The following MKLN1 variants were observed in gnomAD, a reference collection of about 807,000 sequenced individuals.
The protein encoded by MKLN1 is muskelin 1.
A neutral mutation model predicts 99.0 loss-of-function variants in MKLN1; 18 were observed. That is an observed-to-expected ratio of 0.18 (90% CI 0.13 to 0.27). The LOEUF (loss-of-function observed/expected upper bound fraction) is 0.27, where lower values mean the gene tolerates loss of function less well. MKLN1 is among the 10% of genes least tolerant of loss of function. The pLI, the probability that MKLN1 is intolerant of heterozygous loss-of-function variation, is 1.00. For missense variants in MKLN1, 621 were observed against 875.9 expected (o/e 0.71, Z 3.67); for synonymous variants, 288 against 293.2 (o/e 0.98, Z 0.18).
Position 131,465,498 on chromosome 7 carries a change from A to G in MKLN1, c.1789-778A>G, listed in dbSNP as rs139627778. Among the ~76,000 whole-genome samples the G allele has an allele frequency of 6.4e-3, 979 of 152,314 alleles. 9 individuals carry two copies. The highest frequency in any genetic ancestry group is 0.023 in the African/African-American group (947 of 41,568). On this transcript the variant is annotated intron_variant, in intron 14 of 17. Transcript: ENST00000352689. ...TGTTATTTCACAAATTATATGTGCC[A>G]TTTAATATTTGGCATTTCAGTTAAA...
chr7:131,387,037 T>A, intron 2 of MKLN1, 83 bp from the exon 3 acceptor site: 1 of 1,298,736 alleles, frequency 7.7e-7, no homozygotes, highest in Non-Finnish European at 1.1e-6. Flanking sequence ...TATACATTCT[T>A]CTGTTAACTG....
chr7:131,375,281 G>A, intron 1 of MKLN1, 143 bp from the exon 2 acceptor site: 1 of 576,060 alleles, frequency 1.7e-6, no homozygotes, highest in Non-Finnish European at 3.1e-6. Flanking sequence ...AGCTTTCTGT[G>A]CTTTTCTTAC....
chr7:131,197,448 T>C (rs1355662526), intron 2 of MKLN1, among the ~76,000 whole-genome samples: 1 of 150,544 alleles, frequency 6.6e-6, no homozygotes, highest in Non-Finnish European at 1.5e-5. Context: ...CAGAGTCTCA[T>C]TATGTTGCCC....
At chr7:131,394,206 A>T (rs1213170820) in intron 4 of MKLN1, among the ~76,000 whole-genome samples, 3 of 152,086 alleles carry the variant, frequency 2.0e-5, no homozygotes, top group African/African-American at 7.3e-5. Context: ...AGAAAGGCAT[A>T]TTAAATATCC....
chr7:131,159,147 C>G (rs1299701519), intron 2 of MKLN1, among the ~76,000 whole-genome samples: 1 of 151,982 alleles, frequency 6.6e-6, no homozygotes, highest in Non-Finnish European at 1.5e-5. Flanking sequence ...AAGCCGAGAT[C>G]GTGCCACTGC....
intron 3 of MKLN1, among the ~76,000 whole-genome samples, chr7:131,270,162 TC>T (rs1216707581): frequency 6.6e-6 from 1 of 152,022 alleles, no homozygotes; most frequent in African/African-American, 2.4e-5. Context: ...GACTTCATGA[TC>T]CACCCGCCTC....
chr7:131,247,235 C>CTTTTTTTTTTTTTTTTTTTTTTTTTTTT (rs72068521), intron 3 of MKLN1, among the ~76,000 whole-genome samples: 8 of 141,170 alleles, frequency 5.7e-5, no homozygotes, highest in African/African-American at 7.9e-5. Context: ...TTTCTTTTTT[C>CTTTTTTTTTTTTTTTTTTTTTTTTTTTT]TTTTTTTTTT....
At chr7:131,427,437 G>A (rs966333301) in intron 8 of MKLN1, among the ~76,000 whole-genome samples, 5 of 152,158 alleles carry the variant, frequency 3.3e-5, no homozygotes, top group African/African-American at 1.2e-4. Flanking sequence ...TGACTTTACA[G>A]TTTTCGTATA....
Position 131,154,622 on chromosome 7 carries a change from C to G in MKLN1, c.-297+11681C>G, listed in dbSNP as rs546950778. Among the ~76,000 whole-genome samples, 7 of 152,214 alleles carry G rather than the reference C, an allele frequency of 4.6e-5. No homozygotes were observed. In the East Asian group the frequency reaches 1.4e-3, roughly 29 times the overall value. On this transcript the variant is annotated intron_variant, in intron 2 of 7. Coordinates refer to the MKLN1 transcript ENST00000416992. ...GACTAAGCCAGAAGCAATGAGCACT[C>G]TTGTTATCTATATTATGATATGATA...
chr7:131,363,321 T>C (rs1339225579), intron 1 of MKLN1, among the ~76,000 whole-genome samples: 1 of 152,106 alleles, frequency 6.6e-6, no homozygotes, highest in East Asian at 1.9e-4. Flanking sequence ...TGTGGAACTT[T>C]CTGAGATCTG....
rs926844649 is a variant in MKLN1, at chr7:131,320,509, A to T, written c.-178-54915A>T. Among the ~76,000 whole-genome samples the T allele has an allele frequency of 2.0e-5, 3 of 152,238 alleles. No individual in the cohort carries two copies. In the East Asian group the frequency reaches 5.8e-4, roughly 29 times the overall value. On this transcript the variant is annotated intron_variant, in intron 3 of 7. Coordinates refer to the MKLN1 transcript ENST00000416992. ...AAACCTAGGCAATACCATTCAGGACATAGGCATGGGCAAAGACTTCATGAC... is the reference window on the plus strand; with the variant it reads ...AAACCTAGGCAATACCATTCAGGACTTAGGCATGGGCAAAGACTTCATGAC...
intron 3 of MKLN1, among the ~76,000 whole-genome samples, chr7:131,288,605 C>T (rs1798167578): frequency 6.6e-6 from 1 of 152,194 alleles, no homozygotes; most frequent in Non-Finnish European, 1.5e-5. Context: ...TCCTTCTCTG[C>T]CACACTCTGG....
At chr7:131,222,888 A>T (rs1286617000) in intron 3 of MKLN1, among the ~76,000 whole-genome samples, 1 of 151,710 alleles carries the variant, frequency 6.6e-6, no homozygotes, top group Admixed American at 6.6e-5. Context: ...GAAAGAAAAT[A>T]AAAACTAGCC....
chr7:131,186,899 G>C (rs1796459502), intron 2 of MKLN1, among the ~76,000 whole-genome samples: 1 of 152,206 alleles, frequency 6.6e-6, no homozygotes, highest in Admixed American at 6.5e-5. Context: ...TCTTCCAAGA[G>C]GCAGTATCAT....
intron 17 of MKLN1, among the ~76,000 whole-genome samples, chr7:131,481,882 G>A (rs1363706294): frequency 6.8e-6 from 1 of 146,070 alleles, no homozygotes; most frequent in African/African-American, 2.5e-5. Context: ...TCCAATTTAT[G>A]TTCATCCCTT....
intron 2 of MKLN1, among the ~76,000 whole-genome samples, chr7:131,186,505 C>CA (rs199971153): frequency 0.013 from 1,892 of 146,790 alleles, 23 homozygotes; most frequent in Non-Finnish European, 0.018. Flanking sequence ...GATCCTGTGT[C>CA]AAAAAAAAAA....
intron 1 of MKLN1, among the ~76,000 whole-genome samples, chr7:131,366,638 C>A (rs1318203639): frequency 6.6e-6 from 1 of 151,948 alleles, no homozygotes; most frequent in East Asian, 1.9e-4. Context: ...TGGTGAAATC[C>A]CCGTCTCTAC....
Position 131,487,675 on chromosome 7 carries a change from C to G in MKLN1, c.2155C>G (p.Pro719Ala), listed in dbSNP as rs1353709250. ...CTTTGACACCTTAGTAAATTTCTTT[C>G]CTGACAGCATGACTCCTCCTAAAGG... ...QLFDTLVNFF[P>A]DSMTPPKGNL... The change falls in exon 18 of 18, where the codon CCT becomes GCT. Residue 719 changes from proline to alanine, a missense_variant. Physicochemically the swap from Pro to Ala is conservative, Grantham distance 27. This residue lies in a region of MKLN1 where 126 missense variants were observed against 157.4 expected (regional missense o/e 0.80). Transcript: ENST00000352689. This position sits in a 1 kb window ranked among gnomAD's most constrained non-coding sequence, Gnocchi z 4.7. The G allele has an allele frequency of 6.2e-7, 1 of 1,612,978 alleles. No homozygotes were observed. Among genetic ancestry groups the G allele is most frequent in the Non-Finnish European group, 8.5e-7 (1 of 1,179,376 alleles).
chr7:131,316,551 T>C (rs1019563106), intron 3 of MKLN1, among the ~76,000 whole-genome samples: 1 of 152,106 alleles, frequency 6.6e-6, no homozygotes, highest in Non-Finnish European at 1.5e-5. Flanking sequence ...CCTCCTCTCC[T>C]CCAAATGATC....
Sources: gnomAD v4.1 joint callset for allele counts (sites outside exome capture counted in the v4.1 genomes callset) on GRCh38, gnomAD v4.1.1 for gene constraint, gnomAD v4.1.1 regional missense constraint, Gnocchi (gnomAD v3.1) non-coding constraint, MANE v1.5 for transcripts, NCBI Gene and HGNC (gene_info 2026-07-23, HGNC 2026-07-21) for gene names.